Variants in DAPK2 observed in about 807,000 individuals in gnomAD.
DAPK2 encodes death associated protein kinase 2.
DAPK2 carries 35 observed loss-of-function variants against 44.1 expected under a neutral mutation model. The observed-to-expected ratio is 0.79, with a 90% CI of 0.61 to 1.05. The LOEUF (loss-of-function observed/expected upper bound fraction) is 1.05. Among genes scored for constraint, DAPK2 ranks in the 50% least tolerant of loss-of-function variants. The probability of loss-of-function intolerance (pLI) is 0.00; values close to 1 mark genes in which losing one functional copy is unlikely to be tolerated. For missense variants in DAPK2, 453 were observed against 483.2 expected, an observed-to-expected ratio of 0.94 and a Z score of 0.59; for synonymous variants, 174 against 182.6, an observed-to-expected ratio of 0.95 and a Z score of 0.38.
At chr15:63,930,354 C>A (rs893418748) in intron 5 of DAPK2, 53 bp downstream of exon 6, 109 of 1,556,114 alleles carry the variant, frequency 7.0e-5, no homozygotes, top group Non-Finnish European at 9.6e-5. Context: ...GGATCTGAGG[C>A]CTTCCGCCCT....
intron 3 of DAPK2, among the ~76,000 whole-genome samples, chr15:63,956,855 G>A (rs1248201306): frequency 6.6e-6 from 1 of 152,182 alleles, no homozygotes; most frequent in Non-Finnish European, 1.5e-5. Context: ...CCAAAGTGCT[G>A]GGATTACAGG....
chr15:64,045,575 C>T (rs2080443584), intron 1 of DAPK2, among the ~76,000 whole-genome samples: 1 of 152,222 alleles, frequency 6.6e-6, no homozygotes, highest in Admixed American at 6.5e-5. Flanking sequence ...ATTACCTGCA[C>T]GGCCTCAACG....
At chr15:63,924,149 C>CA (rs2079171144) in intron 8 of DAPK2, among the ~76,000 whole-genome samples, 1 of 152,178 alleles carries the variant, frequency 6.6e-6, no homozygotes, top group Non-Finnish European at 1.5e-5. Context: ...CTCACCCTCT[C>CA]AAAGTGCTCT....
intron 10 of DAPK2, chr15:63,910,473 G>GGGCT (rs2146463043): frequency 6.6e-6 from 1 of 152,346 alleles, no homozygotes; most frequent in African/African-American, 2.4e-5. Context: ...GCGGGGGGAG[G>GGGCT]GGCTGTCCAG....
At chr15:64,019,557 G>A (rs2141071200) in intron 1 of DAPK2, among the ~76,000 whole-genome samples, 1 of 152,312 alleles carries the variant, frequency 6.6e-6, no homozygotes, top group Admixed American at 6.5e-5. Flanking sequence ...AAAGTAATAT[G>A]TGCTCATTGT....
chr15:63,932,836 A>G (rs189937254), intron 4 of DAPK2, among the ~76,000 whole-genome samples: 1 of 152,236 alleles, frequency 6.6e-6, no homozygotes, highest in Admixed American at 6.5e-5. Context: ...CATGTGATTT[A>G]TAGTCACTTT....
intron 8 of DAPK2, chr15:63,921,329 A>T (rs2079066268): frequency 6.6e-6 from 1 of 152,272 alleles, no homozygotes; most frequent in Non-Finnish European, 1.5e-5. Flanking sequence ...TACTTTTGCC[A>T]TAATGATGTG....
intron 1 of DAPK2, among the ~76,000 whole-genome samples, chr15:64,009,435 C>T (rs916443283): frequency 3.9e-5 from 6 of 152,134 alleles, no homozygotes; most frequent in African/African-American, 4.8e-5. Context: ...TCCCATCAAG[C>T]CTGAGCTCCT....
chr15:63,956,243 T>G (rs1193024003), intron 3 of DAPK2, among the ~76,000 whole-genome samples: 2 of 152,206 alleles, frequency 1.3e-5, no homozygotes, highest in Non-Finnish European at 2.9e-5. Flanking sequence ...AAACCAACTT[T>G]TTTGTTTCAC....
rs1194175488 is a variant in DAPK2, at chr15:63,908,511, T to C, written c.*9A>G. 1 of 1,578,792 alleles carries C rather than the reference T, an allele frequency of 6.3e-7. No homozygotes were observed. Among genetic ancestry groups the C allele is most frequent in the South Asian group, 1.2e-5 (1 of 85,772 alleles). Reference sequence around the variant, plus strand: ...AGACCTCCCTGGCGGCCACTGCAGGTCAGGCCAGTTAGGAGGTGCTGCTCC... The same window carrying C: ...AGACCTCCCTGGCGGCCACTGCAGGCCAGGCCAGTTAGGAGGTGCTGCTCC... On this transcript the variant is annotated 3_prime_UTR_variant, in exon 11 of 11. Coordinates refer to ENST00000261891, the Ensembl canonical transcript of DAPK2. This position sits in a 1 kb window ranked among gnomAD's most constrained non-coding sequence, Gnocchi z 5.7.
intron 3 of DAPK2, among the ~76,000 whole-genome samples, chr15:63,968,213 C>A (rs1380842): frequency 1 from 151,600 of 152,330 alleles, 75,442 homozygotes; most frequent in East Asian, 1. Flanking sequence ...GTACCCGATC[C>A]TGAGGTAATC....
At chr15:63,973,135 C>T (rs928349161) in intron 2 of DAPK2, among the ~76,000 whole-genome samples, 1 of 152,206 alleles carries the variant, frequency 6.6e-6, no homozygotes, top group Non-Finnish European at 1.5e-5. Context: ...GGGCTTTGCT[C>T]TCCAAACTCT....
At chr15:64,011,493 G>A (rs768592700) in intron 1 of DAPK2, among the ~76,000 whole-genome samples, 6 of 152,116 alleles carry the variant, frequency 3.9e-5, no homozygotes, top group Non-Finnish European at 8.8e-5. Flanking sequence ...CCCAGGAGGC[G>A]GAAGCTGCAG....
intron 3 of DAPK2, among the ~76,000 whole-genome samples, chr15:63,941,838 C>T (rs893869741): frequency 1.3e-5 from 2 of 152,114 alleles, no homozygotes; most frequent in African/African-American, 4.8e-5. Context: ...GAAAGTGGCC[C>T]CACTCTAGCA....
In DAPK2 at chr15:63,964,496, C is replaced by T. The variant is rs2077996933; in HGVS notation, c.453+6927G>A. Reference sequence around the variant, plus strand: ...CCTGTACTTGAATATTGATATCTTTCTCTAGCTTTGGGAAGTTCTGTTATT... The same window carrying T: ...CCTGTACTTGAATATTGATATCTTTTTCTAGCTTTGGGAAGTTCTGTTATT... On this transcript the variant is annotated intron_variant, in intron 3 of 10. Transcript: ENST00000261891. Among the ~76,000 whole-genome samples the T allele has an allele frequency of 2.0e-5, 3 of 152,202 alleles. No homozygotes were observed. The South Asian group carries it at 6.2e-4, about 31-fold the overall frequency.
intron 2 of DAPK2, among the ~76,000 whole-genome samples, chr15:63,976,397 C>T (rs2078347929): frequency 6.6e-6 from 1 of 152,198 alleles, no homozygotes; most frequent in African/African-American, 2.4e-5. Context: ...TTGCATTTCA[C>T]TTTAACCGTT....
At chr15:63,996,874 C>A (rs998670577) in intron 1 of DAPK2, among the ~76,000 whole-genome samples, 11 of 152,114 alleles carry the variant, frequency 7.2e-5, no homozygotes, top group African/African-American at 1.9e-4. Flanking sequence ...ATGGTGCCAC[C>A]CCCATCCCCC....
At chr15:63,958,054 T>C (rs2077776692) in intron 3 of DAPK2, among the ~76,000 whole-genome samples, 1 of 152,222 alleles carries the variant, frequency 6.6e-6, no homozygotes, top group Non-Finnish European at 1.5e-5. Context: ...CCATTCTAAC[T>C]GGTGTGAGAT....
Position 63,986,333 on chromosome 15 carries a change from A to G in DAPK2, c.93-2579T>C, listed in dbSNP as rs189725967. ...TTTGTAATGTTGGCCCGTGGTACTC[A>G]AAAGTGGTTCATGTGAAGGCTGAGC... On this transcript the variant is annotated intron_variant, in intron 1 of 10. Transcript: ENST00000261891. Among the ~76,000 whole-genome samples the G allele has an allele frequency of 4.5e-4, 69 of 152,370 alleles. 1 individual carries two copies. Among genetic ancestry groups the G allele is most frequent in the African/African-American group, 1.7e-3 (69 of 41,588 alleles).
Sources: allele counts gnomAD v4.1 joint callset (sites outside exome capture counted in the v4.1 genomes callset), GRCh38; gene constraint gnomAD v4.1.1; non-coding constraint Gnocchi (gnomAD v3.1); transcripts MANE v1.5; gene names NCBI Gene and HGNC (gene_info 2026-07-23, HGNC 2026-07-21).